Variants in APLF observed in about 807,000 individuals in gnomAD.
APLF encodes aprataxin and PNKP like factor.
APLF carries 61 observed loss-of-function variants against 55.6 expected under a neutral mutation model. That is an observed-to-expected ratio of 1.10 (90% confidence interval 0.89 to 1.36). APLF has a LOEUF of 1.36. APLF is among the 40% of genes most tolerant of loss of function. The pLI is 0.00. For synonymous variants in APLF, 207 were observed against 214.8 expected, an observed-to-expected ratio of 0.96 and a Z score of 0.32; for missense variants, 611 against 602.5, an observed-to-expected ratio of 1.01 and a Z score of -0.15.
intron 5 of APLF, among the ~76,000 whole-genome samples, chr2:68,516,990 A>G (rs868106395): frequency 1.5e-4 from 18 of 123,430 alleles, no homozygotes; most frequent in East Asian, 8.6e-4. Flanking sequence ...AATTATATAT[A>G]ATAATATATG....
At chr2:68,513,509 T>A in intron 4 of APLF, 39 bp from the exon 5 acceptor site, 1 of 1,600,596 alleles carries the variant, frequency 6.2e-7, no homozygotes. Flanking sequence ...TCATTCAAGA[T>A]GTGTGATTAT....
intron 8 of APLF, among the ~76,000 whole-genome samples, chr2:68,565,113 A>C (rs1671266247): frequency 6.6e-6 from 1 of 152,150 alleles, no homozygotes; most frequent in Admixed American, 6.6e-5. Context: ...ATAGCATTAC[A>C]AAGATTCCAG....
chr2:68,578,197 A>C lies in APLF; in HGVS notation c.*175A>C. 2 of 1,356,800 alleles carry C rather than the reference A, an allele frequency of 1.5e-6. No individual in the cohort carries two copies. Among genetic ancestry groups the C allele is most frequent in the Non-Finnish European group, 1.9e-6 (2 of 1,055,110 alleles). The allele number at this position is 1,356,800 out of a possible 1,614,324, so 84.0% of individuals were successfully genotyped here. A position where few individuals can be genotyped will look rare whatever the true frequency, so the allele number is the denominator to read the frequency against. On this transcript the variant is annotated 3_prime_UTR_variant, in exon 10 of 10. Transcript: ENST00000303795. ...GAAACGTCAGCCTTCAGTATAATAG[A>C]TGGAATTTTTTGTTGCCTTGCCTTT...
chr2:68,513,009 A>G (rs1240611376), intron 3 of APLF, 71 bp from the exon 4 acceptor site: 3 of 1,400,652 alleles, frequency 2.1e-6, no homozygotes, highest in Non-Finnish European at 2.9e-6. Flanking sequence ...GACATAACTT[A>G]GATGTAGTTC....
chr2:68,518,746 T>A (rs1315639160), intron 5 of APLF, among the ~76,000 whole-genome samples: 137 of 111,660 alleles, frequency 1.2e-3, no homozygotes, highest in African/African-American at 5.3e-3. Flanking sequence ...GAATATATCA[T>A]TAATATATAA....
chr2:68,537,146 C>G (rs1162382849), intron 6 of APLF, among the ~76,000 whole-genome samples: 2 of 142,062 alleles, frequency 1.4e-5, no homozygotes, highest in Non-Finnish European at 3.0e-5. Context: ...GGTTGGGAGA[C>G]AGAGCAAGAC....
At chr2:68,505,058 T>C (rs1676834823) in intron 3 of APLF, among the ~76,000 whole-genome samples, 1 of 152,070 alleles carries the variant, frequency 6.6e-6, no homozygotes, top group Non-Finnish European at 1.5e-5. Flanking sequence ...ATTTCATATA[T>C]AAATTATATC....
intron 2 of APLF, among the ~76,000 whole-genome samples, chr2:68,493,646 C>T (rs1344327278): frequency 6.6e-6 from 1 of 152,108 alleles, no homozygotes; most frequent in Non-Finnish European, 1.5e-5. Flanking sequence ...TAAAGAAATA[C>T]CTGAGACTGG....
chr2:68,566,553 G>A (rs1251528226), intron 8 of APLF, among the ~76,000 whole-genome samples: 2 of 152,038 alleles, frequency 1.3e-5, no homozygotes, highest in East Asian at 1.9e-4. Flanking sequence ...AGGTATATTC[G>A]AAAGTTGTCA....
At chr2:68,521,334 T>C (rs1205853834) in intron 5 of APLF, among the ~76,000 whole-genome samples, 2 of 151,958 alleles carry the variant, frequency 1.3e-5, no homozygotes, top group Non-Finnish European at 2.9e-5. Context: ...TTTACTGATT[T>C]GGATGCCCTT....
intron 6 of APLF, chr2:68,528,692 A>G (rs1670154279): frequency 2.6e-6 from 4 of 1,510,648 alleles, no homozygotes; most frequent in Non-Finnish European, 3.6e-6. Flanking sequence ...CACTGTTGGA[A>G]GTGGGTCAGG....
At chr2:68,560,203 A>G (rs1573264913) in intron 8 of APLF, among the ~76,000 whole-genome samples, 2 of 152,122 alleles carry the variant, frequency 1.3e-5, no homozygotes, top group Non-Finnish European at 2.9e-5. Context: ...ATAAATATAT[A>G]TTTGTTTACT....
chr2:68,557,223 A>G (rs1671041689), intron 8 of APLF, among the ~76,000 whole-genome samples: 1 of 152,178 alleles, frequency 6.6e-6, no homozygotes, highest in South Asian at 2.1e-4. Flanking sequence ...TCATCTCTAG[A>G]TTCCTTAAAA....
chr2:68,567,439 C>A, intron 9 of APLF, 52 bp downstream of exon 9: 1 of 1,339,182 alleles, frequency 7.5e-7, no homozygotes, highest in Non-Finnish European at 1.0e-6. Flanking sequence ...AATGATTTTC[C>A]TATTAAACCT....
chr2:68,541,857 G>A (rs1466215496), intron 7 of APLF, among the ~76,000 whole-genome samples: 1 of 152,132 alleles, frequency 6.6e-6, no homozygotes, highest in Admixed American at 6.6e-5. Flanking sequence ...GATGATCAAA[G>A]TTGGAGGTCT....
chr2:68,550,533 A>G (rs1405691826), intron 8 of APLF, among the ~76,000 whole-genome samples: 1 of 151,988 alleles, frequency 6.6e-6, no homozygotes, highest in Non-Finnish European at 1.5e-5. Flanking sequence ...CACCAACCCC[A>G]TTTACATTTA....
rs138512419 is a variant in APLF at position 68,553,247 on chromosome 2, A to G, written c.1286+7935A>G. 2.1e-3 allele frequency among the ~76,000 whole-genome samples: 327 copies of G among 152,250 alleles called. 1 individual carries two copies. Among genetic ancestry groups the G allele is most frequent in the African/African-American group, 7.4e-3 (306 of 41,558 alleles). On this transcript the variant is annotated intron_variant, in intron 8 of 9. Coordinates refer to ENST00000303795, the MANE Select transcript of APLF (RefSeq NM_173545.3). ...GGAGTTTTCAAAGTACCTCTAGATA[A>G]GGAACTTTGAAGAAATCATAAATTT...
intron 1 of APLF, among the ~76,000 whole-genome samples, chr2:68,479,431 T>C (rs1056248638): frequency 6.6e-6 from 1 of 151,946 alleles, no homozygotes; most frequent in Admixed American, 6.6e-5. Context: ...AAGTCAGGGG[T>C]GAAGGATTTC....
chr2:68,506,582 A>G (rs2103940446), intron 3 of APLF, among the ~76,000 whole-genome samples: 2 of 152,132 alleles, frequency 1.3e-5, no homozygotes, highest in South Asian at 2.1e-4. Flanking sequence ...TATTGTTAAT[A>G]TCCCTATATG....
Sources: allele counts gnomAD v4.1 joint callset (sites outside exome capture counted in the v4.1 genomes callset), GRCh38; gene constraint gnomAD v4.1.1; transcripts MANE v1.5; gene names NCBI Gene and HGNC (gene_info 2026-07-23, HGNC 2026-07-21).